Variants in TTC7A observed in about 807,000 individuals in gnomAD.
TTC7A encodes the protein tetratricopeptide repeat domain 7A.
A neutral mutation model predicts 103.7 loss-of-function variants in TTC7A; 110 were observed. The ratio of observed to expected loss-of-function variants is 1.06; its 90% CI spans 0.91 to 1.24. The LOEUF (loss-of-function observed/expected upper bound fraction) is 1.24. Ranked by LOEUF, TTC7A falls within the 50% of genes most tolerant of loss-of-function variation. TTC7A has a pLI of 0.00. For missense variants in TTC7A, 1,340 were observed against 1,116.3 expected (o/e 1.20, Z -2.86); for synonymous variants, 521 against 467.9 (o/e 1.11, Z -1.47).
intron 2 of TTC7A, among the ~76,000 whole-genome samples, chr2:46,918,622 C>T (rs1572629760): frequency 6.6e-6 from 1 of 152,154 alleles, no homozygotes; most frequent in East Asian, 1.9e-4. Context: ...TTAAGGTAGC[C>T]AGTGTTAAAA....
intron 1 of TTC7A, among the ~76,000 whole-genome samples, chr2:46,945,025 G>C (rs144072745): frequency 0.012 from 1,799 of 152,264 alleles, 20 homozygotes; most frequent in South Asian, 0.035. Context: ...CAAATATACA[G>C]TAAAGGTCAA....
chr2:47,072,286 T>C (rs147640348), intron 19 of TTC7A, among the ~76,000 whole-genome samples: 1 of 152,256 alleles, frequency 6.6e-6, no homozygotes, highest in Non-Finnish European at 1.5e-5. Flanking sequence ...CATCCGTGTG[T>C]GTGGTTCCTT....
At chr2:46,950,259 C>T in intron 1 of TTC7A, 104 bp from the exon 2 acceptor site, 1 of 1,191,660 alleles carries the variant, frequency 8.4e-7, no homozygotes, top group Non-Finnish European at 1.2e-6. Flanking sequence ...CTGAGCCATT[C>T]ATGTACTGGG....
chr2:47,033,217 C>A (rs1047845579), intron 15 of TTC7A, among the ~76,000 whole-genome samples: 1 of 152,234 alleles, frequency 6.6e-6, no homozygotes, highest in African/African-American at 2.4e-5. Flanking sequence ...GTTAATTAAA[C>A]AACCGGTCCG....
rs546716281 is a variant in TTC7A at position 46,922,359 on chromosome 2, A to G, written c.82+5082A>G. On this transcript the variant is annotated intron_variant, in intron 2 of 20. Coordinates refer to the TTC7A transcript ENST00000409245. ...GTGGGGCTTTGTCTATGGGAGTCCT[A>G]TGTGGCCTGGGCTGAGGCTATGTTT... Among the ~76,000 whole-genome samples, 28 of 152,230 alleles carry G rather than the reference A, an allele frequency of 1.8e-4. No homozygotes were observed. The East Asian group carries it at 5.0e-3, about 27-fold the overall frequency.
rs150438028 is a variant in TTC7A at position 47,021,916 on chromosome 2, G to A, written c.1447G>A (p.Gly483Arg). 1,914 of 1,614,058 alleles carry A rather than the reference G, an allele frequency of 1.2e-3. 3 individuals are homozygous for A. The highest frequency in any genetic ancestry group is 1.7e-3 in the Admixed American group (103 of 60,026). The change falls in exon 12 of 20, where the codon GGG (glycine) becomes AGG (arginine). Residue 483 changes from glycine to arginine, a missense_variant. Physicochemically the swap from Gly to Arg is moderately radical, Grantham distance 125. Transcript: ENST00000319190. ...MMVISLGEEA[G>R]EFLPKGYLAL... ...GGTGATCAGCCTCGGAGAGGAAGCC[G>A]GGGAGTTCCTCCCCAAGGGCTACCT... is the stretch of plus-strand genomic sequence containing the variant.
chr2:47,073,636 C>CA, intron 19 of TTC7A, 66 bp from the exon 20 acceptor site: 1 of 1,444,390 alleles, frequency 6.9e-7, no homozygotes, highest in Non-Finnish European at 9.7e-7. Flanking sequence ...CTGTGCTTGG[C>CA]CCAGTTGCCA....
chr2:46,925,934 G>A (rs1232707648), intron 2 of TTC7A, among the ~76,000 whole-genome samples: 1 of 152,198 alleles, frequency 6.6e-6, no homozygotes, highest in Non-Finnish European at 1.5e-5. Flanking sequence ...CCACCCAGGT[G>A]TCAGCTAAGA....
intron 11 of TTC7A, among the ~76,000 whole-genome samples, chr2:47,018,335 C>T (rs1402027255): frequency 6.7e-6 from 1 of 149,754 alleles, no homozygotes; most frequent in African/African-American, 2.5e-5. Flanking sequence ...GTAATCCCAA[C>T]GCTTTTGGAG....
chr2:46,954,645 C>A (rs773356453), intron 2 of TTC7A, among the ~76,000 whole-genome samples: 1 of 145,970 alleles, frequency 6.9e-6, no homozygotes, highest in Admixed American at 6.9e-5. Context: ...GATCTTGGCT[C>A]ACTGCAACCT....
intron 10 of TTC7A, among the ~76,000 whole-genome samples, chr2:47,008,601 G>A (rs1235500754): frequency 6.6e-6 from 1 of 152,244 alleles, no homozygotes; most frequent in Non-Finnish European, 1.5e-5. Context: ...TGTGTTCGGT[G>A]CAGCAGGAGA....
At chr2:46,930,041 T>C (rs903240305) in intron 2 of TTC7A, among the ~76,000 whole-genome samples, 2 of 152,186 alleles carry the variant, frequency 1.3e-5, no homozygotes, top group African/African-American at 2.4e-5. Flanking sequence ...ATAAACTAAG[T>C]TGGTGAAAGC....
chr2:46,980,464 A>T (rs539245003), intron 5 of TTC7A, among the ~76,000 whole-genome samples: 90 of 152,250 alleles, frequency 5.9e-4, no homozygotes, highest in Admixed American at 3.9e-3. Flanking sequence ...CTCCCGCTTC[A>T]GCCTTCTAAA....
At chr2:46,949,463 C>T (rs1006511308) in intron 1 of TTC7A, among the ~76,000 whole-genome samples, 1 of 152,096 alleles carries the variant, frequency 6.6e-6, no homozygotes, top group African/African-American at 2.4e-5. Flanking sequence ...AAACTCCTGA[C>T]CTCAAGTGAT....
chr2:46,962,523 C>T (rs1572736830), intron 3 of TTC7A, among the ~76,000 whole-genome samples: 2 of 152,220 alleles, frequency 1.3e-5, no homozygotes, highest in African/African-American at 4.8e-5. Context: ...AAGTTAGGGT[C>T]ACTTCCTTTG....
intron 19 of TTC7A, among the ~76,000 whole-genome samples, chr2:47,065,515 C>CT (rs1558646243): frequency 1.3e-5 from 2 of 152,204 alleles, no homozygotes; most frequent in East Asian, 1.9e-4. Context: ...AAGGTTCTAA[C>CT]GTTGTCTTCT....
chr2:47,064,953 A>T (rs2104796958), intron 19 of TTC7A, among the ~76,000 whole-genome samples: 1 of 152,376 alleles, frequency 6.6e-6, no homozygotes, highest in Non-Finnish European at 1.5e-5. Flanking sequence ...TATAAAATGT[A>T]TTCATGGGAG....
intron 19 of TTC7A, among the ~76,000 whole-genome samples, chr2:47,071,930 C>G (rs1006542757): frequency 6.6e-6 from 1 of 152,262 alleles, no homozygotes; most frequent in Non-Finnish European, 1.5e-5. Context: ...TCTGGGAGGC[C>G]TTGCCGGCCT....
chr2:47,039,701 CA>C (rs1343261926), intron 15 of TTC7A, among the ~76,000 whole-genome samples: 5 of 152,330 alleles, frequency 3.3e-5, no homozygotes, highest in African/African-American at 9.6e-5. Context: ...AAATAATTAG[CA>C]GTGTGATCCT....
Sources: gnomAD v4.1 joint callset for allele counts (sites outside exome capture counted in the v4.1 genomes callset) on GRCh38, gnomAD v4.1.1 for gene constraint, MANE v1.5 for transcripts, NCBI Gene and HGNC (gene_info 2026-07-23, HGNC 2026-07-21) for gene names.